MALT1: variants seen among roughly 807,000 people sequenced by gnomAD.
MALT1 encodes mucosa-associated lymphoid tissue lymphoma translocation protein 1.
Under a neutral mutation model 85.5 loss-of-function variants are expected in MALT1, and 36 were observed. The observed-to-expected ratio is 0.42, with a 90% CI of 0.32 to 0.56. The LOEUF is 0.56. Among genes scored for constraint, MALT1 ranks in the 20% least tolerant of loss-of-function variants. The pLI, the probability that MALT1 is intolerant of heterozygous loss-of-function variation, is 0.10. For missense variants in MALT1, 716 were observed against 981.6 expected (o/e 0.73, Z 3.62); for synonymous variants, 359 against 361.3 (o/e 0.99, Z 0.07).
rs1025591481 is a variant in MALT1 at position 58,709,575 on chromosome 18, G to C, written c.828+19G>C. ...ATACATGGTAGGAAGTTGATTTTGG[G>C]GTCTTTTGGGGGAGTTAACATGTAA... On this transcript the variant is annotated intron_variant, in intron 5 of 16. Coordinates refer to ENST00000649217, the MANE Select transcript of MALT1 (RefSeq NM_006785.4). The C allele has an allele frequency of 3.1e-5, 48 of 1,571,606 alleles. No individual in the cohort carries two copies. The highest frequency in any genetic ancestry group is 3.8e-5 in the Non-Finnish European group (44 of 1,159,230).
rs1479472595 is a variant in MALT1 at position 58,696,447 on chromosome 18, A to G, written c.458A>G (p.His153Arg). The change falls in exon 3 of 17, where the codon CAT becomes CGT. Residue 153 changes from histidine to arginine, a missense_variant. Coordinates refer to ENST00000649217, the MANE Select transcript of MALT1 (RefSeq NM_006785.4). ...AAACTGTGTTGCCGGGCAACTGGAC[A>G]TCCTTTTGTTCAATATCAGTGGTTC... is the stretch of plus-strand genomic sequence containing the variant. ...FVKLCCRATG[H>R]PFVQYQWFKM... 1 of 1,597,752 alleles carries G rather than the reference A, an allele frequency of 6.3e-7. No homozygotes were observed. The highest frequency in any genetic ancestry group is 8.5e-7 in the Non-Finnish European group (1 of 1,173,094).
intron 12 of MALT1, among the ~76,000 whole-genome samples, chr18:58,734,936 ATATGC>A (rs1219025326): frequency 4.2e-4 from 64 of 152,320 alleles, no homozygotes; most frequent in African/African-American, 1.5e-3. Context: ...GGATACAAAG[ATATGC>A]TATGATGTAC....
chr18:58,702,566 C>G (rs1294930011), intron 4 of MALT1, among the ~76,000 whole-genome samples: 2 of 152,100 alleles, frequency 1.3e-5, no homozygotes, highest in African/African-American at 4.8e-5. Context: ...AAGAAGAGGT[C>G]AGTTTGTTAT....
chr18:58,730,377 T>C (rs991266944), intron 10 of MALT1, among the ~76,000 whole-genome samples: 3 of 152,216 alleles, frequency 2.0e-5, no homozygotes, highest in African/African-American at 4.8e-5. Context: ...TTGCCTATTC[T>C]GGACATTTCA....
At chr18:58,697,449 C>T (rs11877398) in intron 3 of MALT1, among the ~76,000 whole-genome samples, 18,003 of 152,122 alleles carry the variant, frequency 0.12, 1,628 homozygotes, top group African/African-American at 0.26. Context: ...TGTGTTGGAA[C>T]TCTGACTGCC....
rs977208309 is a variant in MALT1, at chr18:58,751,707, G to A, written c.*3865G>A. 2.0e-5 allele frequency: 3 copies of A among 152,158 alleles called. No individual in the cohort carries two copies. The highest frequency in any genetic ancestry group is 7.2e-5 in the African/African-American group (3 of 41,436). The allele number at this position is 152,158 out of a possible 1,614,324, so 9.4% of individuals were successfully genotyped here. ...CAAATCTGTCAATACCAATTAGAAT[G>A]TAATAAAGAAATTAGGATAGTGGAG... On this transcript the variant is annotated 3_prime_UTR_variant, in exon 17 of 17. Coordinates refer to ENST00000649217, the MANE Select transcript of MALT1 (RefSeq NM_006785.4).
intron 10 of MALT1, among the ~76,000 whole-genome samples, chr18:58,728,639 A>G (rs2055100476): frequency 6.6e-6 from 1 of 152,216 alleles, no homozygotes; most frequent in Non-Finnish European, 1.5e-5. Flanking sequence ...TAAAAAAATG[A>G]TTTGGACTAG....
intron 4 of MALT1, among the ~76,000 whole-genome samples, chr18:58,705,426 A>G (rs1386039573): frequency 4.1e-5 from 6 of 145,742 alleles, no homozygotes; most frequent in African/African-American, 1.0e-4. Context: ...TGCACCCACT[A>G]TCTCGTCATC....
chr18:58,729,507 A>AAG (rs2055115806), intron 10 of MALT1, among the ~76,000 whole-genome samples: 1 of 102,500 alleles, frequency 9.8e-6, no homozygotes, highest in African/African-American at 4.9e-5. Flanking sequence ...AAAAAAAAAG[A>AAG]AAAAAAAAAT....
chr18:58,716,047 G>T, intron 9 of MALT1, 80 bp downstream of exon 9: 2 of 1,091,840 alleles, frequency 1.8e-6, no homozygotes, highest in Admixed American at 4.9e-5. Context: ...ATTTTAATTT[G>T]GTTTTTTAAA....
Position 58,749,978 on chromosome 18 carries a change from G to A in MALT1, c.*2136G>A. ...GTTCTAGCCACAGCAGTTAGGTTAG[G>A]AATTCAAGGTTTGTTCAACATCTAA... On this transcript the variant is annotated 3_prime_UTR_variant, in exon 17 of 17. Coordinates refer to ENST00000649217, the MANE Select transcript of MALT1 (RefSeq NM_006785.4). 1 of 205,188 alleles carries A rather than the reference G, an allele frequency of 4.9e-6. No homozygotes were observed. Among genetic ancestry groups the A allele is most frequent in the Admixed American group, 5.9e-5 (1 of 16,814 alleles). 12.7% of individuals were successfully genotyped at this position (205,188 alleles called of 1,614,324 possible). A position where few individuals can be genotyped will look rare whatever the true frequency, so the allele number is the denominator to read the frequency against.
chr18:58,718,698 T>TG (rs1196066547), intron 9 of MALT1, among the ~76,000 whole-genome samples: 3 of 152,214 alleles, frequency 2.0e-5, no homozygotes, highest in Non-Finnish European at 2.9e-5. Context: ...TTCAAGGCTT[T>TG]GGATACTAAT....
At chr18:58,719,236 A>G (rs1464655098) in intron 9 of MALT1, among the ~76,000 whole-genome samples, 1 of 152,118 alleles carries the variant, frequency 6.6e-6, no homozygotes, top group Admixed American at 6.5e-5. Context: ...GGACTGCCAC[A>G]TTCAAGATGG....
rs1356604750 is a variant in MALT1 at position 58,681,204 on chromosome 18, C to T, written c.244C>T (p.Leu82=). 6.2e-6 allele frequency: 10 copies of T among 1,613,986 alleles called. No individual in the cohort carries two copies. The East Asian group carries it at 2.0e-4, about 32-fold the overall frequency. The stretch of plus-strand genomic sequence containing the variant: ...CCTGGAGCAGTGTTCTCTTAAGGTA[C>T]TGGAGCCTGAAGGAAGCCCCAGCCT... The part of the protein sequence containing the change: ...LDLEQCSLKV[L]EPEGSPSLCL... The change falls in exon 2 of 17, where the codon CTG becomes TTG. Residue 82 remains leucine (L), a synonymous_variant. Coordinates refer to ENST00000649217, the MANE Select transcript of MALT1 (RefSeq NM_006785.4).
chr18:58,749,251 A>C lies in MALT1; in HGVS notation c.*1409A>C, dbSNP rs1024475223. 3 of 216,600 alleles carry C rather than the reference A, an allele frequency of 1.4e-5. No individual in the cohort carries two copies. In the East Asian group the frequency reaches 2.1e-4, roughly 15 times the overall value. The allele number at this position is 216,600 out of a possible 1,614,324, so 13.4% of individuals were successfully genotyped here. On this transcript the variant is annotated 3_prime_UTR_variant, in exon 17 of 17. Coordinates refer to ENST00000649217, the MANE Select transcript of MALT1 (RefSeq NM_006785.4). ...TGTATTTGTGTATATGTGTGTATAC[A>C]TATGTTTATCTCACACACATTATGA...
rs75510289 is a variant in MALT1 at position 58,739,905 on chromosome 18, T to C, written c.1604-1960T>C. ...ACTCTAATACAGAAGAAGTACACCC[T>C]GTTGTTTACTGGGAACTTTTGTATA... On this transcript the variant is annotated intron_variant, in intron 13 of 16. Coordinates refer to ENST00000649217, the MANE Select transcript of MALT1 (RefSeq NM_006785.4). 4.7e-3 allele frequency among the ~76,000 whole-genome samples: 718 copies of C among 152,352 alleles called. 2 individuals carry two copies. The highest frequency in any genetic ancestry group is 0.016 in the African/African-American group (647 of 41,582).
At chr18:58,724,221 A>G (rs2055022889) in intron 10 of MALT1, among the ~76,000 whole-genome samples, 2 of 152,186 alleles carry the variant, frequency 1.3e-5, no homozygotes, top group African/African-American at 4.8e-5. Context: ...AGAATTTTTA[A>G]TGGAACAAAA....
In MALT1 at chr18:58,748,082, G is replaced by A. The variant is rs2055396569; in HGVS notation, c.*240G>A. On this transcript the variant is annotated 3_prime_UTR_variant, in exon 17 of 17. Coordinates refer to ENST00000649217, the MANE Select transcript of MALT1 (RefSeq NM_006785.4). Reference sequence around the variant, plus strand: ...TTCTATACAAATGAAGTATGGAGGTGTGTATGTTTATATGTATATAACAAA... The same window carrying A: ...TTCTATACAAATGAAGTATGGAGGTATGTATGTTTATATGTATATAACAAA... 4.1e-6 allele frequency: 2 copies of A among 493,574 alleles called. No homozygotes were observed. The highest frequency in any genetic ancestry group is 7.3e-6 in the Non-Finnish European group (2 of 273,728). 30.6% of individuals were successfully genotyped at this position (493,574 alleles called of 1,614,324 possible). A position where few individuals can be genotyped will look rare whatever the true frequency, so the allele number is the denominator to read the frequency against.
At chr18:58,704,552 G>A (rs768915973) in intron 4 of MALT1, among the ~76,000 whole-genome samples, 8 of 152,174 alleles carry the variant, frequency 5.3e-5, no homozygotes, top group Non-Finnish European at 8.8e-5. Flanking sequence ...TGCCTCCCAG[G>A]CTCAAATCAT....
Sources: gnomAD v4.1 joint callset for allele counts (sites outside exome capture counted in the v4.1 genomes callset) on GRCh38, gnomAD v4.1.1 for gene constraint, MANE v1.5 for transcripts, NCBI Gene and HGNC (gene_info 2026-07-23, HGNC 2026-07-21) for gene names.